NEDD9: variants seen among roughly 807,000 people sequenced by gnomAD.
NEDD9 encodes neural precursor cell expressed, developmentally down-regulated 9.
A neutral mutation model predicts 76.6 loss-of-function variants in NEDD9; 26 were observed. The ratio of observed to expected loss-of-function variants is 0.34; its 90% CI spans 0.25 to 0.47. NEDD9 has a LOEUF of 0.47. NEDD9 is among the 20% of genes least tolerant of loss of function. The pLI, the probability that NEDD9 is intolerant of heterozygous loss-of-function variation, is 1.00. For synonymous variants in NEDD9, 392 were observed against 414.2 expected (o/e 0.95, Z 0.65); for missense variants, 937 against 1,058.5 (o/e 0.89, Z 1.59).
At chr6:11,340,016 A>G (rs1762241764) in intron 1 of NEDD9, among the ~76,000 whole-genome samples, 1 of 152,230 alleles carries the variant, frequency 6.6e-6, no homozygotes. Context: ...CTCTTTAAAC[A>G]TTAGTGATGG....
At chr6:11,256,323 G>A (rs1760005594) in intron 3 of NEDD9, among the ~76,000 whole-genome samples, 1 of 152,156 alleles carries the variant, frequency 6.6e-6, no homozygotes, top group South Asian at 2.1e-4. Flanking sequence ...CCAGGTGTAT[G>A]TGCAGCAGGA....
chr6:11,187,922 G>C (rs2113712547), intron 6 of NEDD9, among the ~76,000 whole-genome samples: 1 of 152,302 alleles, frequency 6.6e-6, no homozygotes, highest in Middle Eastern at 3.4e-3. Context: ...AGGCTAGCTT[G>C]AATGGGTCTT....
chr6:11,213,593 G>C lies in NEDD9; in HGVS notation c.147C>G (p.His49Gln). ...GLEGWWLCSL[H>Q]GRQGIVPGNR... ...TGCCTGGGACAATGCCTTGCCGACC[G>C]TGTAATGAGCACAGCCACCATCCTT... The change falls in exon 2 of 7, where the codon CAC (histidine) becomes CAG (glutamine). Residue 49 changes from histidine to glutamine, a missense_variant. Physicochemically the swap from His to Gln is conservative, Grantham distance 24 (BLOSUM62 0). Coordinates refer to ENST00000379446, the MANE Select transcript of NEDD9 (RefSeq NM_006403.4). The surrounding 1 kb of genome is among the most constrained non-coding windows in gnomAD (Gnocchi z 5.4). 1 of 1,614,166 alleles carries C rather than the reference G, an allele frequency of 6.2e-7. No homozygotes were observed. The highest frequency in any genetic ancestry group is 2.2e-5 in the East Asian group (1 of 44,872).
At chr6:11,247,988 A>G (rs759230186) in intron 3 of NEDD9, among the ~76,000 whole-genome samples, 3 of 152,134 alleles carry the variant, frequency 2.0e-5, no homozygotes, top group African/African-American at 4.8e-5. Context: ...GATTATTTTG[A>G]TTTAGGCCAG....
chr6:11,291,649 G>A (rs767512486), intron 3 of NEDD9, among the ~76,000 whole-genome samples: 14 of 152,160 alleles, frequency 9.2e-5, no homozygotes, highest in Non-Finnish European at 1.6e-4. Flanking sequence ...ACTCAAAGGT[G>A]CTTCTCTAAA....
intron 1 of NEDD9, among the ~76,000 whole-genome samples, chr6:11,224,758 G>T (rs1379169460): frequency 6.6e-6 from 1 of 152,160 alleles, no homozygotes; most frequent in Non-Finnish European, 1.5e-5. Flanking sequence ...ATTTTGGGAG[G>T]CGGAGGGTGT....
chr6:11,296,195 C>T (rs1760881479), intron 3 of NEDD9, among the ~76,000 whole-genome samples: 1 of 152,092 alleles, frequency 6.6e-6, no homozygotes. Context: ...GACTTCCAGC[C>T]TCCAGAACTG....
chr6:11,287,981 C>T (rs191682683), intron 3 of NEDD9, among the ~76,000 whole-genome samples: 21 of 152,286 alleles, frequency 1.4e-4, no homozygotes, highest in Middle Eastern at 3.4e-3. Context: ...GGTGGGGTCC[C>T]GGGTACAGTT....
chr6:11,215,123 T>A (rs1044817944), intron 1 of NEDD9, among the ~76,000 whole-genome samples: 1 of 152,212 alleles, frequency 6.6e-6, no homozygotes, highest in Non-Finnish European at 1.5e-5. Flanking sequence ...ATGGAAGGGA[T>A]CTGCCCTCTA....
intron 3 of NEDD9, among the ~76,000 whole-genome samples, chr6:11,262,881 A>C (rs1036678240): frequency 7.9e-5 from 12 of 152,362 alleles, no homozygotes; most frequent in Admixed American, 7.8e-4. Context: ...ATCATACATT[A>C]AAGTGTAAAT....
At chr6:11,246,044 A>AT (rs1478234354) in intron 3 of NEDD9, among the ~76,000 whole-genome samples, 1 of 151,908 alleles carries the variant, frequency 6.6e-6, no homozygotes, top group African/African-American at 2.4e-5. Flanking sequence ...TGCAGACAGT[A>AT]TTTTTTTCGG....
rs1759094265 is a variant in NEDD9 at position 11,220,047 on chromosome 6, A to AT, written c.13-6321dup. ...TTATGATATAATATAAGATATGCTA[A>AT]TTTTTTCCCAGTACTATTTGTCGAC... is the stretch of plus-strand genomic sequence containing the variant. On this transcript the variant is annotated intron_variant, in intron 1 of 6. Coordinates refer to ENST00000379446, the MANE Select transcript of NEDD9 (RefSeq NM_006403.4). Among the ~76,000 whole-genome samples, 3 of 152,208 alleles carry AT rather than the reference A, an allele frequency of 2.0e-5. No individual in the cohort carries two copies. In the South Asian group the frequency reaches 6.2e-4, roughly 32 times the overall value.
chr6:11,372,240 G>A (rs949199739), intron 1 of NEDD9, among the ~76,000 whole-genome samples: 3 of 151,574 alleles, frequency 2.0e-5, no homozygotes, highest in Admixed American at 6.6e-5. Context: ...AAGTAAGTGA[G>A]AACATGTGAA....
At chr6:11,283,711 C>G (rs1215078491) in intron 3 of NEDD9, among the ~76,000 whole-genome samples, 1 of 152,122 alleles carries the variant, frequency 6.6e-6, no homozygotes, top group Non-Finnish European at 1.5e-5. Context: ...AATACTGTCT[C>G]CTACACACAA....
At chr6:11,200,407 A>G (rs1758413511) in intron 2 of NEDD9, 1 of 713,218 alleles carries the variant, frequency 1.4e-6, no homozygotes, top group Non-Finnish European at 2.0e-6. Flanking sequence ...GCTTCACATT[A>G]TTTCTACAAA....
At chr6:11,343,690 AG>A (rs1762316024) in intron 1 of NEDD9, among the ~76,000 whole-genome samples, 1 of 152,238 alleles carries the variant, frequency 6.6e-6, no homozygotes, top group African/African-American at 2.4e-5. Flanking sequence ...GAATGAATAA[AG>A]GAATATATGA....
chr6:11,301,536 C>T (rs1014173259), intron 3 of NEDD9, among the ~76,000 whole-genome samples: 28 of 152,328 alleles, frequency 1.8e-4, no homozygotes, highest in African/African-American at 6.7e-4. Context: ...ATCTACAGAA[C>T]TCTCCACCCC....
intron 1 of NEDD9, among the ~76,000 whole-genome samples, chr6:11,226,388 AT>A (rs1759309350): frequency 6.6e-6 from 1 of 152,034 alleles, no homozygotes; most frequent in Non-Finnish European, 1.5e-5. Flanking sequence ...GCCCTGTTTC[AT>A]TTGTCTTGGC....
At chr6:11,292,212 A>G (rs922424901) in intron 3 of NEDD9, among the ~76,000 whole-genome samples, 2 of 152,232 alleles carry the variant, frequency 1.3e-5, no homozygotes, top group Admixed American at 1.3e-4. Context: ...AAAGAAAGCC[A>G]CAGAAGACAC....
Sources: allele counts gnomAD v4.1 joint callset (sites outside exome capture counted in the v4.1 genomes callset), GRCh38; gene constraint gnomAD v4.1.1; non-coding constraint Gnocchi (gnomAD v3.1); transcripts MANE v1.5; gene names NCBI Gene and HGNC (gene_info 2026-07-23, HGNC 2026-07-21).